Variants in LEPROT observed in about 807,000 individuals in gnomAD.
The protein encoded by LEPROT is leptin receptor gene-related protein.
In LEPROT, 3 loss-of-function variants were observed where a neutral mutation model predicts 15.4. The ratio of observed to expected loss-of-function variants is 0.19; its 90% CI spans 0.09 to 0.50. The LOEUF (loss-of-function observed/expected upper bound fraction) is 0.50, where lower values mean the gene tolerates loss of function less well. Ranked by LOEUF, LEPROT falls within the 20% of genes least tolerant of loss-of-function variation. LEPROT has a pLI of 0.97. For synonymous variants in LEPROT, 59 were observed against 57.5 expected (o/e 1.03, Z -0.12); for missense variants, 137 against 162.2 (o/e 0.84, Z 0.84).
intron 1 of LEPROT, 126 bp from the exon 2 acceptor site, chr1:65,425,177 A>G: frequency 1.4e-6 from 1 of 732,872 alleles, no homozygotes; most frequent in Middle Eastern, 2.3e-4. Context: ...ATCTAATTCC[A>G]GAAAATTTAC....
chr1:65,433,205 G>A lies in LEPROT; in HGVS notation c.*1286G>A. 1.0e-6 allele frequency: 1 copy of A among 985,006 alleles called. No individual in the cohort carries two copies. The highest frequency in any genetic ancestry group is 1.2e-6 in the Non-Finnish European group (1 of 829,928). 61.0% of individuals were successfully genotyped at this position (985,006 alleles called of 1,614,324 possible). Reference sequence around the variant, plus strand: ...CTCCTCAACAGTTCTGGTTTGCCCTGACTTCTCTACGGCTCTGGCTTCTTC... The same window carrying A: ...CTCCTCAACAGTTCTGGTTTGCCCTAACTTCTCTACGGCTCTGGCTTCTTC... On this transcript the variant is annotated 3_prime_UTR_variant, in exon 4 of 4. Transcript: ENST00000371065.
Position 65,434,328 on chromosome 1 carries a change from T to A in LEPROT, c.*2409T>A, listed in dbSNP as rs1398090045. 3 of 984,780 alleles carry A rather than the reference T, an allele frequency of 3.0e-6. No individual in the cohort carries two copies. The highest frequency in any genetic ancestry group is 1.7e-5 in the African/African-American group (1 of 57,246). The allele number at this position is 984,780 out of a possible 1,614,324, so 61.0% of individuals were successfully genotyped here. The stretch of plus-strand genomic sequence containing the variant: ...TTTTCCTTATAAAAGGCTCTTTTTT[T>A]ATATATTGTACAATATATTTGGAGA... On this transcript the variant is annotated 3_prime_UTR_variant, in exon 4 of 4. Transcript: ENST00000371065.
chr1:65,420,847 A>G, intron 1 of LEPROT, 107 bp downstream of exon 1: 1 of 1,315,148 alleles, frequency 7.6e-7, no homozygotes, highest in Non-Finnish European at 1.0e-6. Flanking sequence ...CGGCCTCACC[A>G]CCCTTCCCGC....
At chr1:65,421,379 A>G (rs1646246831) in intron 1 of LEPROT, 5 of 1,535,968 alleles carry the variant, frequency 3.3e-6, no homozygotes, top group African/African-American at 1.4e-5. Flanking sequence ...GGCAGTTGGT[A>G]AAAACACCGC....
At chr1:65,423,255 G>A (rs1272509111) in intron 1 of LEPROT, among the ~76,000 whole-genome samples, 2 of 152,128 alleles carry the variant, frequency 1.3e-5, no homozygotes, top group Non-Finnish European at 1.5e-5. Flanking sequence ...GGTAGTAGGA[G>A]CTTTGGGTTG....
At chr1:65,421,284 A>G (rs1162346267) in intron 1 of LEPROT, 2 of 1,491,740 alleles carry the variant, frequency 1.3e-6, no homozygotes, top group Non-Finnish European at 8.9e-7. Context: ...ATTACGTGTA[A>G]TTTTAATACT....
At chr1:65,427,341 C>A (rs114546727) in intron 2 of LEPROT, among the ~76,000 whole-genome samples, 1 of 152,138 alleles carries the variant, frequency 6.6e-6, no homozygotes, top group Admixed American at 6.5e-5. Context: ...TGGGAGGCAA[C>A]GGTAGGAGGA....
chr1:65,427,855 G>A, intron 2 of LEPROT: 1 of 298,888 alleles, frequency 3.3e-6, no homozygotes, highest in Non-Finnish European at 6.9e-6. Flanking sequence ...TGCTCAGGCT[G>A]GTCTTGAACT....
Position 65,432,365 on chromosome 1 carries a change from A to G in LEPROT, c.*446A>G, listed in dbSNP as rs1646497953. 3.1e-6 allele frequency: 3 copies of G among 969,548 alleles called. No individual in the cohort carries two copies. Among genetic ancestry groups the G allele is most frequent in the South Asian group, 9.5e-5 (2 of 21,036 alleles). The allele number at this position is 969,548 out of a possible 1,614,324, so 60.1% of individuals were successfully genotyped here. A position where few individuals can be genotyped will look rare whatever the true frequency, so the allele number is the denominator to read the frequency against. On this transcript the variant is annotated 3_prime_UTR_variant, in exon 4 of 4. Transcript: ENST00000371065. ...TGTGGCCCACAGACCAAGAGCCTCA[A>G]CATTTCCTAGAGCCTTATTAGAAAT...
rs1408893196 is a variant in LEPROT, at chr1:65,433,456, C to A, written c.*1537C>A. On this transcript the variant is annotated 3_prime_UTR_variant, in exon 4 of 4. Transcript: ENST00000371065. ...AGAAAGGGAAATATGGGAAGGAGAA[C>A]CATTTGATCAGAATACAACCAATAG... The A allele has an allele frequency of 3.0e-6, 3 of 985,370 alleles. No homozygotes were observed. The African/African-American group carries it at 5.2e-5, about 17-fold the overall frequency. The allele number at this position is 985,370 out of a possible 1,614,324, so 61.0% of individuals were successfully genotyped here.
chr1:65,426,552 T>G (rs1256012231), intron 2 of LEPROT, among the ~76,000 whole-genome samples: 1 of 151,448 alleles, frequency 6.6e-6, no homozygotes. Context: ...TCAAGCAAAA[T>G]TGAGGGCTGG....
intron 1 of LEPROT, among the ~76,000 whole-genome samples, chr1:65,423,593 G>A (rs1646297315): frequency 6.6e-6 from 1 of 152,062 alleles, no homozygotes; most frequent in Non-Finnish European, 1.5e-5. Flanking sequence ...TCCACACATG[G>A]GCATTTTCCA....
chr1:65,434,524 A>G lies in LEPROT; in HGVS notation c.*2605A>G. ...ACTATGAATTGGTGATTGAGTTCCC[A>G]GGCCAAGCCTCCCTCAACAGGTTCA... is the stretch of plus-strand genomic sequence containing the variant. On this transcript the variant is annotated 3_prime_UTR_variant, in exon 4 of 4. Coordinates refer to ENST00000371065, the MANE Select transcript of LEPROT (RefSeq NM_017526.5). The G allele has an allele frequency of 1.0e-6, 1 of 985,154 alleles. No homozygotes were observed. Among genetic ancestry groups the G allele is most frequent in the Non-Finnish European group, 1.2e-6 (1 of 829,706 alleles). 61.0% of individuals were successfully genotyped at this position (985,154 alleles called of 1,614,324 possible).
intron 1 of LEPROT, among the ~76,000 whole-genome samples, chr1:65,422,361 G>C (rs1434872770): frequency 6.6e-6 from 1 of 152,196 alleles, no homozygotes; most frequent in African/African-American, 2.4e-5. Context: ...CAACCACTGA[G>C]TGTTAGGAAG....
At position 65,432,272 on chromosome 1, in the gene LEPROT, C is replaced by T; in HGVS notation, c.*353C>T. 1.0e-6 allele frequency: 1 copy of T among 998,712 alleles called. No individual in the cohort carries two copies. Among genetic ancestry groups the T allele is most frequent in the African/African-American group, 1.7e-5 (1 of 57,498 alleles). 61.9% of individuals were successfully genotyped at this position (998,712 alleles called of 1,614,324 possible). Reference sequence around the variant, plus strand: ...CTTGGAGAGGCAGATAACGCTGAAGCAGGCCTCTCATGACCCAGGAAGGCC... The same window carrying T: ...CTTGGAGAGGCAGATAACGCTGAAGTAGGCCTCTCATGACCCAGGAAGGCC... On this transcript the variant is annotated 3_prime_UTR_variant, in exon 4 of 4. Transcript: ENST00000371065.
At position 65,435,153 on chromosome 1, in the gene LEPROT, G is replaced by A; in HGVS notation, c.*3234G>A. 5.1e-6 allele frequency: 5 copies of A among 985,332 alleles called. No individual in the cohort carries two copies. The highest frequency in any genetic ancestry group is 4.8e-6 in the Non-Finnish European group (4 of 829,900). The allele number at this position is 985,332 out of a possible 1,614,324, so 61.0% of individuals were successfully genotyped here. ...TCATACCTCATCTCTTCCTCAGGAG[G>A]AGTTCTGAGCTGGTCCTGCTTTTCA... On this transcript the variant is annotated 3_prime_UTR_variant, in exon 4 of 4. Coordinates refer to ENST00000371065, the MANE Select transcript of LEPROT (RefSeq NM_017526.5).
intron 1 of LEPROT, among the ~76,000 whole-genome samples, chr1:65,423,517 G>A (rs1646295844): frequency 6.6e-6 from 1 of 152,144 alleles, no homozygotes; most frequent in Non-Finnish European, 1.5e-5. Context: ...CAGGCACAGA[G>A]GAGAGGAGCA....
At chr1:65,422,629 C>T (rs1265526000) in intron 1 of LEPROT, among the ~76,000 whole-genome samples, 3 of 152,200 alleles carry the variant, frequency 2.0e-5, no homozygotes, top group African/African-American at 7.2e-5. Flanking sequence ...ATGTGGCTTC[C>T]CTTGGCAAGG....
intron 2 of LEPROT, among the ~76,000 whole-genome samples, chr1:65,429,423 T>A (rs1465654999): frequency 6.6e-6 from 1 of 152,122 alleles, no homozygotes; most frequent in Non-Finnish European, 1.5e-5. Flanking sequence ...CCATAAAGGC[T>A]TTGTAGGCTA....
Sources: allele counts gnomAD v4.1 joint callset (sites outside exome capture counted in the v4.1 genomes callset), GRCh38; gene constraint gnomAD v4.1.1; transcripts MANE v1.5; gene names NCBI Gene and HGNC (gene_info 2026-07-23, HGNC 2026-07-21).